NUP133: variants seen among roughly 807,000 people sequenced by gnomAD.
NUP133 encodes the protein nucleoporin 133.
A neutral mutation model predicts 146.2 loss-of-function variants in NUP133; 66 were observed. The ratio of observed to expected loss-of-function variants is 0.45; its 90% CI spans 0.37 to 0.55. The LOEUF is 0.55. Among genes scored for constraint, NUP133 ranks in the 20% least tolerant of loss-of-function variants. The pLI is 0.00. For missense variants in NUP133, 1,277 were observed against 1,374.8 expected, an observed-to-expected ratio of 0.93 and a Z score of 1.12; for synonymous variants, 521 against 498.8, an observed-to-expected ratio of 1.04 and a Z score of -0.59.
intron 11 of NUP133, among the ~76,000 whole-genome samples, chr1:229,485,271 A>C (rs1346171222): frequency 6.6e-6 from 1 of 152,216 alleles, no homozygotes; most frequent in Admixed American, 6.5e-5. Flanking sequence ...AGATGAGGCC[A>C]CCTATGCATG....
chr1:229,499,778 C>A lies in NUP133; in HGVS notation c.554G>T (p.Arg185Leu). 1.2e-6 allele frequency: 2 copies of A among 1,613,968 alleles called. No individual in the cohort carries two copies. The highest frequency in any genetic ancestry group is 1.7e-6 in the Non-Finnish European group (2 of 1,179,900). Residue 185 changes from arginine (R) to leucine (L), a missense_variant, in exon 5 of 26, where the codon CGC (arginine) becomes CTC (leucine). This residue lies in a region of NUP133 where 319 missense variants were observed against 306.9 expected (regional missense o/e 1.04). Transcript: ENST00000261396. The part of the protein sequence containing the change: ...VMVATREGSI[R>L]YWPSLAGEDT... The stretch of plus-strand genomic sequence containing the variant: ...TTCACCAGCAAGGCTTGGCCAATAG[C>A]GGATAGATCCTTCTCTGGTGGCAAC...
chr1:229,504,036 T>C (rs1013163107), intron 2 of NUP133, among the ~76,000 whole-genome samples: 2 of 152,132 alleles, frequency 1.3e-5, no homozygotes, highest in Non-Finnish European at 2.9e-5. Flanking sequence ...AGGTTAGTAG[T>C]TGTCTGAAAA....
rs754351499 is a variant in NUP133, at chr1:229,463,625, T to A, written c.2603A>T (p.Asp868Val). 31 of 1,613,920 alleles carry A rather than the reference T, an allele frequency of 1.9e-5. No homozygotes were observed. Among genetic ancestry groups the A allele is most frequent in the Non-Finnish European group, 2.4e-5 (28 of 1,179,982 alleles). Residue 868 changes from aspartate (D) to valine (V), a missense_variant, in exon 19 of 26, where the codon GAC (aspartate) becomes GTC (valine). By Grantham distance (152) the Asp-to-Val change is radical. Coordinates refer to ENST00000261396, the MANE Select transcript of NUP133 (RefSeq NM_018230.3). Reference protein sequence around the residue: ...WAASLAEKYCDFDILVQMCEQ... With the variant: ...WAASLAEKYCVFDILVQMCEQ... Reference sequence around the variant, plus strand: ...ACACATTTGTACCAATATATCAAAGTCACAGTATTTCTCTGCTAGAGAAGC... The same window carrying A: ...ACACATTTGTACCAATATATCAAAGACACAGTATTTCTCTGCTAGAGAAGC...
At chr1:229,482,691 C>A (rs1488523584) in intron 12 of NUP133, among the ~76,000 whole-genome samples, 1 of 152,160 alleles carries the variant, frequency 6.6e-6, no homozygotes, top group Non-Finnish European at 1.5e-5. Context: ...CTCCCCACCC[C>A]ATACGCGCAT....
rs768310893 is a variant in NUP133 at position 229,464,927 on chromosome 1, T to C, written c.2300-52A>G. The C allele has an allele frequency of 8.5e-5, 135 of 1,597,462 alleles. 1 individual carries two copies. In the South Asian group the frequency reaches 1.3e-3, roughly 16 times the overall value. On this transcript the variant is annotated intron_variant, in intron 17 of 25. Coordinates refer to ENST00000261396, the MANE Select transcript of NUP133 (RefSeq NM_018230.3). Reference sequence around the variant, plus strand: ...TTAAAGTAAGGGATCTAGTGATGGCTAAAGGAAAGACTAATAGCATAAAAA... The same window carrying C: ...TTAAAGTAAGGGATCTAGTGATGGCCAAAGGAAAGACTAATAGCATAAAAA...
chr1:229,499,656 T>C (rs1330425931), intron 5 of NUP133, 28 bp downstream of exon 5: 4 of 1,568,148 alleles, frequency 2.6e-6, no homozygotes, highest in Non-Finnish European at 3.5e-6. Flanking sequence ...AGCTTTCCAA[T>C]AAATATAAAG....
intron 16 of NUP133, 24 bp from the exon 17 acceptor site, chr1:229,465,543 T>C (rs1317927562): frequency 6.6e-7 from 1 of 1,523,696 alleles, no homozygotes; most frequent in South Asian, 1.1e-5. Flanking sequence ...TAATGTGTTA[T>C]CACATGCAAA....
chr1:229,482,323 G>T (rs1571928035), intron 12 of NUP133, among the ~76,000 whole-genome samples: 1 of 151,948 alleles, frequency 6.6e-6, no homozygotes, highest in African/African-American at 2.4e-5. Flanking sequence ...AGAACTGGGG[G>T]AAATGAAGGT....
intron 24 of NUP133, among the ~76,000 whole-genome samples, chr1:229,445,760 C>T (rs1197826662): frequency 1.3e-5 from 2 of 152,150 alleles, no homozygotes; most frequent in African/African-American, 4.8e-5. Flanking sequence ...ATGATAGCAT[C>T]CTTTTGTATG....
At chr1:229,491,859 C>T (rs530153092) in intron 8 of NUP133, among the ~76,000 whole-genome samples, 7 of 152,168 alleles carry the variant, frequency 4.6e-5, no homozygotes, top group East Asian at 1.9e-4. Flanking sequence ...GCAGGAGGAT[C>T]GCTTGAGCCC....
rs1167970317 is a variant in NUP133 at position 229,508,291 on chromosome 1, G to A, written c.-42C>T. 3.6e-6 allele frequency: 5 copies of A among 1,378,442 alleles called. No individual in the cohort carries two copies. The highest frequency in any genetic ancestry group is 3.0e-5 in the East Asian group (1 of 33,412). 85.4% of individuals were successfully genotyped at this position (1,378,442 alleles called of 1,614,324 possible). On this transcript the variant is annotated 5_prime_UTR_variant, in exon 1 of 26. It adds an upstream start codon to the 5' untranslated region. Transcript: ENST00000261396. ...GACTAGGACAGCGAGGGATCTGGCC[G>A]TCAGGTTGCAGCCTGGCCTGCGCGC...
rs996895383 is a variant in NUP133 at position 229,486,428 on chromosome 1, T to C, written c.1443A>G (p.Ile481Met). Reference protein sequence around the residue: ...VSITSRENVSILAEDLEGSLA... With the variant: ...VSITSRENVSMLAEDLEGSLA... ...AAGACCCTTCCAAGTCTTCTGCCAATATAGACACATTTTCCCTTGAAGTAA... is the reference window on the plus strand; with the variant it reads ...AAGACCCTTCCAAGTCTTCTGCCAACATAGACACATTTTCCCTTGAAGTAA... The change falls in exon 11 of 26, where the codon ATA (isoleucine) becomes ATG (methionine). Residue 481 changes from isoleucine (I) to methionine (M), a missense_variant. By Grantham distance (10) the Ile-to-Met change is conservative. Transcript: ENST00000261396. 1.2e-6 allele frequency: 2 copies of C among 1,610,800 alleles called. No individual in the cohort carries two copies. Among genetic ancestry groups the C allele is most frequent in the Admixed American group, 1.7e-5 (1 of 59,306 alleles).
At chr1:229,469,527 G>C (rs1490930190) in intron 15 of NUP133, among the ~76,000 whole-genome samples, 1 of 152,172 alleles carries the variant, frequency 6.6e-6, no homozygotes, top group Admixed American at 6.5e-5. Flanking sequence ...AGATTAAGGG[G>C]TCCAAAAAGG....
In NUP133 at chr1:229,506,137, G is replaced by A. The variant is rs771899723; in HGVS notation, c.204C>T (p.Phe68=). 4.3e-6 allele frequency: 7 copies of A among 1,609,858 alleles called. No individual in the cohort carries two copies. In the Admixed American group the frequency reaches 8.3e-5, roughly 19 times the overall value. ...CAGACTCAGTTATGGAGTGGTGTGG[G>A]AACATTCGTGTTGGTGTTCCCCTAA... ...LSSRGTPTRM[F]PHHSITESVN... is the part of the protein sequence containing the mutation. The change falls in exon 2 of 26, where the codon TTC becomes TTT. Residue 68 remains phenylalanine, a synonymous_variant. Coordinates refer to ENST00000261396, the MANE Select transcript of NUP133 (RefSeq NM_018230.3).
intron 8 of NUP133, among the ~76,000 whole-genome samples, chr1:229,491,859 C>G (rs530153092): frequency 1.1e-4 from 17 of 152,286 alleles, no homozygotes; most frequent in Non-Finnish European, 2.1e-4. Flanking sequence ...GCAGGAGGAT[C>G]GCTTGAGCCC....
At chr1:229,475,829 G>A in intron 13 of NUP133, 97 bp from the exon 14 acceptor site, 1 of 1,002,144 alleles carries the variant, frequency 1.0e-6, no homozygotes, top group East Asian at 2.5e-5. Flanking sequence ...AAAAGCTAAG[G>A]CTAGGCACGG....
At chr1:229,502,176 A>G (rs1213374049) in intron 2 of NUP133, 74 bp from the exon 3 acceptor site, 15 of 1,089,034 alleles carry the variant, frequency 1.4e-5, no homozygotes, top group African/African-American at 3.1e-5. Context: ...ATCAAAAAAA[A>G]GTAATTGGCA....
intron 12 of NUP133, among the ~76,000 whole-genome samples, chr1:229,479,394 T>C (rs1436284605): frequency 6.6e-6 from 1 of 152,238 alleles, no homozygotes; most frequent in Non-Finnish European, 1.5e-5. Flanking sequence ...GTTACGGTTG[T>C]TTTATTACTA....
chr1:229,461,247 G>A (rs1660683879), intron 19 of NUP133, among the ~76,000 whole-genome samples: 1 of 151,980 alleles, frequency 6.6e-6, no homozygotes, highest in African/African-American at 2.4e-5. Context: ...CTGGCCACAT[G>A]GCCTGGCATG....
Sources: gnomAD v4.1 joint callset for allele counts (sites outside exome capture counted in the v4.1 genomes callset) on GRCh38, gnomAD v4.1.1 for gene constraint, gnomAD v4.1.1 regional missense constraint, MANE v1.5 for transcripts, NCBI Gene and HGNC (gene_info 2026-07-23, HGNC 2026-07-21) for gene names.